Variants in FNIP1 observed in about 807,000 individuals in gnomAD.
FNIP1 encodes the protein folliculin-interacting protein 1.
In FNIP1, 40 loss-of-function variants were observed where a neutral mutation model predicts 124.5. The ratio of observed to expected loss-of-function variants is 0.32; its 90% CI spans 0.25 to 0.42. The LOEUF (loss-of-function observed/expected upper bound fraction) is 0.42. FNIP1 is among the 10% of genes least tolerant of loss of function. The pLI is 1.00. For synonymous variants in FNIP1, 472 were observed against 470.6 expected, an observed-to-expected ratio of 1.00 and a Z score of -0.04; for missense variants, 1,176 against 1,403.7, an observed-to-expected ratio of 0.84 and a Z score of 2.59.
intron 11 of FNIP1, among the ~76,000 whole-genome samples, chr5:131,691,912 T>C (rs914227668): frequency 6.6e-6 from 1 of 152,156 alleles, no homozygotes; most frequent in Non-Finnish European, 1.5e-5. Context: ...ATCATACTTA[T>C]GGTGAGAGAC....
chr5:131,755,839 T>C (rs1403470058), intron 1 of FNIP1, among the ~76,000 whole-genome samples: 1 of 151,994 alleles, frequency 6.6e-6, no homozygotes, highest in Admixed American at 6.6e-5. Context: ...TGAACCCTCG[T>C]CTCTACTAAA....
intron 15 of FNIP1, among the ~76,000 whole-genome samples, chr5:131,653,563 A>G (rs1473486077): frequency 6.6e-6 from 1 of 151,760 alleles, no homozygotes; most frequent in African/African-American, 2.4e-5. Flanking sequence ...GTCACTATAC[A>G]TACAGTTATG....
intron 12 of FNIP1, 117 bp from the exon 13 acceptor site, chr5:131,677,989 A>C (rs914500830): frequency 4.3e-6 from 4 of 920,752 alleles, no homozygotes; most frequent in Non-Finnish European, 6.4e-6. Context: ...ATGGCACCAA[A>C]AAAAGGAGAA....
rs1387400835 is a variant in FNIP1, at chr5:131,785,009, TATATATATGATATATATGAC to T, written c.92+11801_92+11820del. On this transcript the variant is annotated intron_variant, in intron 1 of 17. Coordinates refer to ENST00000510461, the MANE Select transcript of FNIP1 (RefSeq NM_133372.3). ...ATCATATATATATGATATATATGAC[TATATATATGATATATATGAC>T]ATATATATGATATATATGACTATAT... Among the ~76,000 whole-genome samples, 84 of 24,814 alleles carry T rather than the reference TATATATATGATATATATGAC, an allele frequency of 3.4e-3. 4 individuals carry two copies. Among genetic ancestry groups the T allele is most frequent in the African/African-American group, 6.7e-3 (83 of 12,474 alleles). The allele number at this position is 24,814 out of a possible 152,430, so 16.3% of individuals were successfully genotyped here.
intron 1 of FNIP1, among the ~76,000 whole-genome samples, chr5:131,760,001 A>G (rs1282744413): frequency 1.3e-5 from 2 of 152,218 alleles, no homozygotes; most frequent in Non-Finnish European, 2.9e-5. Context: ...AAAACCAAAT[A>G]CCACATGTTT....
At chr5:131,785,217 C>T (rs1267401457) in intron 1 of FNIP1, among the ~76,000 whole-genome samples, 2 of 143,722 alleles carry the variant, frequency 1.4e-5, no homozygotes, top group Non-Finnish European at 3.0e-5. Context: ...TATCATAACG[C>T]TATTGGGCAG....
chr5:131,790,015 A>G (rs1772351725), intron 1 of FNIP1, among the ~76,000 whole-genome samples: 1 of 152,252 alleles, frequency 6.6e-6, no homozygotes, highest in South Asian at 2.1e-4. Context: ...CTCAATGGCA[A>G]TTAAAACCAG....
chr5:131,772,966 T>C (rs1051054538), intron 1 of FNIP1, among the ~76,000 whole-genome samples: 128 of 152,174 alleles, frequency 8.4e-4, no homozygotes, highest in Non-Finnish European at 2.4e-4. Context: ...CTCCTTATAA[T>C]CTGAGCCCCA....
intron 1 of FNIP1, among the ~76,000 whole-genome samples, chr5:131,749,334 G>A (rs1255119791): frequency 2.0e-5 from 3 of 151,140 alleles, no homozygotes; most frequent in Non-Finnish European, 4.4e-5. Context: ...TTCCAGTCTC[G>A]CAAAATCCAT....
At position 131,744,678 on chromosome 5, in the gene FNIP1, TG is replaced by T; in HGVS notation, c.104del (p.Pro35GlnfsTer10). ...GTCGAATCTGGCTTGGATCAAACTC[TG>T]GTAAAGGCCAACTTGAAAGAAAAGT... ...DPDCGFSWPL[P>X]EFDPSQIRLI... On this transcript the variant is annotated frameshift_variant, in exon 2 of 18. Coordinates refer to ENST00000510461, the MANE Select transcript of FNIP1 (RefSeq NM_133372.3). LOFTEE classifies it high-confidence loss of function. 1 of 1,608,444 alleles carries T rather than the reference TG, an allele frequency of 6.2e-7. No homozygotes were observed. The highest frequency in any genetic ancestry group is 8.5e-7 in the Non-Finnish European group (1 of 1,177,206).
chr5:131,680,175 G>T (rs1768036227), intron 11 of FNIP1, among the ~76,000 whole-genome samples: 1 of 152,164 alleles, frequency 6.6e-6, no homozygotes, highest in Admixed American at 6.6e-5. Flanking sequence ...GCTGACGGCT[G>T]AGATTTTATT....
At chr5:131,697,496 T>C (rs1768739268) in intron 11 of FNIP1, among the ~76,000 whole-genome samples, 1 of 152,194 alleles carries the variant, frequency 6.6e-6, no homozygotes, top group South Asian at 2.1e-4. Context: ...TAAAGCATAT[T>C]GTTTCCCTAT....
In FNIP1 at chr5:131,739,823, A is replaced by C. The variant is rs866717225; in HGVS notation, c.219+4741T>G. 1.7e-4 allele frequency among the ~76,000 whole-genome samples: 25 copies of C among 151,220 alleles called. No homozygotes were observed. In the East Asian group the frequency reaches 2.7e-3, roughly 16 times the overall value. On this transcript the variant is annotated intron_variant, in intron 2 of 17. Coordinates refer to ENST00000510461, the MANE Select transcript of FNIP1 (RefSeq NM_133372.3). Reference sequence around the variant, plus strand: ...GTGAGACTCCAGCTCAAAAAAAAAAAAAAAAAAAAAAAAACACTGTTTTAG... The same window carrying C: ...GTGAGACTCCAGCTCAAAAAAAAAACAAAAAAAAAAAAAACACTGTTTTAG...
chr5:131,662,540 T>A (rs577095811), intron 15 of FNIP1, among the ~76,000 whole-genome samples: 2 of 152,272 alleles, frequency 1.3e-5, no homozygotes, highest in South Asian at 4.1e-4. Context: ...GTACTGTAGG[T>A]CAGTTGCAAA....
At chr5:131,702,185 T>C (rs1459950847) in intron 10 of FNIP1, among the ~76,000 whole-genome samples, 1 of 152,182 alleles carries the variant, frequency 6.6e-6, no homozygotes, top group Admixed American at 6.5e-5. Flanking sequence ...CAATGATGTT[T>C]TTTATTTTAC....
chr5:131,724,250 G>T (rs982195849), intron 3 of FNIP1, among the ~76,000 whole-genome samples: 3 of 152,104 alleles, frequency 2.0e-5, no homozygotes, highest in Non-Finnish European at 4.4e-5. Flanking sequence ...GGGTCAACTG[G>T]TATTTCTGGA....
chr5:131,785,967 T>A (rs1412019206), intron 1 of FNIP1, among the ~76,000 whole-genome samples: 1 of 152,238 alleles, frequency 6.6e-6, no homozygotes, highest in Non-Finnish European at 1.5e-5. Context: ...AATCCTTATT[T>A]ATGGGAGTCA....
intron 1 of FNIP1, among the ~76,000 whole-genome samples, chr5:131,755,737 G>A (rs1771029905): frequency 6.6e-6 from 1 of 151,770 alleles, no homozygotes; most frequent in African/African-American, 2.4e-5. Context: ...GGCCAGGCAC[G>A]GTGGCTCATG....
intron 1 of FNIP1, among the ~76,000 whole-genome samples, chr5:131,789,893 T>C (rs1216618883): frequency 6.6e-6 from 1 of 152,238 alleles, no homozygotes; most frequent in Non-Finnish European, 1.5e-5. Context: ...AGATGATCTC[T>C]TCCATTCTGT....
Sources: allele counts gnomAD v4.1 joint callset (sites outside exome capture counted in the v4.1 genomes callset), GRCh38; gene constraint gnomAD v4.1.1; transcripts MANE v1.5; gene names NCBI Gene and HGNC (gene_info 2026-07-23, HGNC 2026-07-21).